The following MAST2 variants were observed in gnomAD, a reference collection of about 807,000 sequenced individuals.
MAST2 encodes microtubule associated serine/threonine kinase 2, also known as microtubule-associated serine/threonine-protein kinase 2.
A neutral mutation model predicts 147.4 loss-of-function variants in MAST2; 70 were observed. That is an observed-to-expected ratio of 0.47 (90% CI 0.39 to 0.58). MAST2 has a LOEUF of 0.58. Among genes scored for constraint, MAST2 ranks in the 20% least tolerant of loss-of-function variants. The pLI is 0.00. For synonymous variants in MAST2, 869 were observed against 896.8 expected (o/e 0.97, Z 0.55); for missense variants, 2,080 against 2,302.3 (o/e 0.90, Z 1.98).
chr1:45,871,744 C>G (rs1646400860), intron 3 of MAST2, among the ~76,000 whole-genome samples: 1 of 152,194 alleles, frequency 6.6e-6, no homozygotes, highest in African/African-American at 2.4e-5. Flanking sequence ...GTATTGTCAT[C>G]AGCAGTGGAT....
At chr1:45,985,458 G>T (rs116790709) in intron 5 of MAST2, among the ~76,000 whole-genome samples, 3 of 152,294 alleles carry the variant, frequency 2.0e-5, no homozygotes, top group African/African-American at 7.2e-5. Context: ...GAATACATCT[G>T]TCATCTCCTA....
chr1:45,897,968 G>A (rs1231922976), intron 4 of MAST2, among the ~76,000 whole-genome samples: 1 of 152,002 alleles, frequency 6.6e-6, no homozygotes, highest in Non-Finnish European at 1.5e-5. Context: ...AATTAGCTGG[G>A]CATGGTGGTG....
chr1:45,995,497 G>C (rs899023416), intron 5 of MAST2, among the ~76,000 whole-genome samples: 3 of 152,212 alleles, frequency 2.0e-5, no homozygotes, highest in African/African-American at 7.2e-5. Context: ...GAGTAGACGA[G>C]TTTATTCAAC....
intron 4 of MAST2, among the ~76,000 whole-genome samples, chr1:45,914,153 T>G (rs1280755092): frequency 6.6e-6 from 1 of 152,196 alleles, no homozygotes; most frequent in East Asian, 1.9e-4. Flanking sequence ...TTTTCTTCCC[T>G]TGAAAGCAAA....
chr1:45,902,094 A>G (rs1649868116), intron 4 of MAST2, among the ~76,000 whole-genome samples: 1 of 152,172 alleles, frequency 6.6e-6, no homozygotes, highest in South Asian at 2.1e-4. Flanking sequence ...TTGCCCATTC[A>G]GTATGATGCT....
chr1:46,004,191 C>T (rs1645389502), intron 7 of MAST2, among the ~76,000 whole-genome samples: 1 of 151,854 alleles, frequency 6.6e-6, no homozygotes, highest in South Asian at 2.1e-4. Flanking sequence ...GGTGAAACCC[C>T]GTCTCCACTA....
chr1:45,982,168 G>C (rs12760175), intron 5 of MAST2, among the ~76,000 whole-genome samples: 52,565 of 152,008 alleles, frequency 0.35, 11,150 homozygotes, highest in East Asian at 0.58. Context: ...GCCTTTTAAG[G>C]TAAATGTATA....
intron 2 of MAST2, 121 bp downstream of exon 2, chr1:45,824,701 T>C: frequency 5.9e-6 from 6 of 1,014,478 alleles, no homozygotes; most frequent in Non-Finnish European, 8.4e-6. Context: ...TATAGAACAT[T>C]TATGGTAAGG....
intron 3 of MAST2, among the ~76,000 whole-genome samples, chr1:45,872,714 CAG>C (rs1646446666): frequency 6.6e-6 from 1 of 152,150 alleles, no homozygotes; most frequent in Admixed American, 6.5e-5. Context: ...CTCCCGACCT[CAG>C]GTGGTCCACC....
At chr1:45,957,148 A>G (rs1048991201) in intron 4 of MAST2, among the ~76,000 whole-genome samples, 2 of 152,226 alleles carry the variant, frequency 1.3e-5, no homozygotes, top group East Asian at 3.8e-4. Flanking sequence ...TGTTCAACTC[A>G]TCCATGAAAG....
intron 1 of MAST2, among the ~76,000 whole-genome samples, chr1:45,805,598 C>G (rs909392565): frequency 6.6e-6 from 1 of 152,170 alleles, no homozygotes; most frequent in Non-Finnish European, 1.5e-5. Context: ...TTTACCTGTC[C>G]AGTTGACCTT....
chr1:45,889,988 CTGCCT>C (rs1647461477), intron 4 of MAST2, among the ~76,000 whole-genome samples: 2 of 152,176 alleles, frequency 1.3e-5, no homozygotes, highest in Non-Finnish European at 2.9e-5. Context: ...CGTGATCCGC[CTGCCT>C]CGGCCTCCCA....
chr1:45,827,658 TA>T (rs937873760), intron 2 of MAST2, among the ~76,000 whole-genome samples: 2 of 118,466 alleles, frequency 1.7e-5, no homozygotes, highest in African/African-American at 3.0e-5. Flanking sequence ...TCATCATCAT[TA>T]TTTTTTTTTT....
At chr1:45,998,729 A>C (rs1571141778) in intron 6 of MAST2, among the ~76,000 whole-genome samples, 2 of 148,262 alleles carry the variant, frequency 1.3e-5, no homozygotes, top group South Asian at 2.1e-4. Flanking sequence ...TACTTAGACT[A>C]CTTTTTTTTT....
intron 5 of MAST2, among the ~76,000 whole-genome samples, chr1:45,970,610 G>A (rs1643875682): frequency 7.1e-6 from 1 of 141,278 alleles, no homozygotes; most frequent in Admixed American, 7.6e-5. Context: ...AGAGCTTGCA[G>A]TGAGCCCAGA....
chr1:45,813,760 A>C (rs1225769876), intron 1 of MAST2, among the ~76,000 whole-genome samples: 1 of 152,012 alleles, frequency 6.6e-6, no homozygotes, highest in East Asian at 1.9e-4. Flanking sequence ...CGGCCTCCCA[A>C]AGTACTGGGA....
intron 18 of MAST2, 151 bp downstream of exon 18, chr1:46,029,084 G>A: frequency 1.2e-6 from 1 of 831,170 alleles, no homozygotes; most frequent in East Asian, 2.6e-5. Context: ...GTGTCTCTGT[G>A]TTTCTGCATG....
chr1:46,018,319 T>TA (rs1315544512), intron 10 of MAST2, among the ~76,000 whole-genome samples: 1 of 152,202 alleles, frequency 6.6e-6, no homozygotes, highest in East Asian at 1.9e-4. Context: ...CTGCCACTCT[T>TA]ACTGTTCTCC....
chr1:45,904,958 C>CCA (rs1468934557), intron 4 of MAST2, among the ~76,000 whole-genome samples: 1 of 151,756 alleles, frequency 6.6e-6, no homozygotes, highest in Non-Finnish European at 1.5e-5. Flanking sequence ...CAGGGACATG[C>CCA]CATCATGCCT....
Sources: allele counts gnomAD v4.1 joint callset (sites outside exome capture counted in the v4.1 genomes callset), GRCh38; gene constraint gnomAD v4.1.1; transcripts MANE v1.5; gene names NCBI Gene and HGNC (gene_info 2026-07-23, HGNC 2026-07-21).